The following PCDH11Y variants were observed in gnomAD, a reference collection of about 807,000 sequenced individuals.
The protein encoded by PCDH11Y is protocadherin-11 Y-linked.
For missense variants in PCDH11Y, 12 were observed against 224.8 expected, an observed-to-expected ratio of 0.05 and a Z score of 6.05; for synonymous variants, 9 against 83.6, an observed-to-expected ratio of 0.11 and a Z score of 4.87.
intron 2 of PCDH11Y, among the ~76,000 whole-genome samples, chrY:5,435,509 G>A (rs2053274058): frequency 6.7e-5 from 2 of 29,884 alleles, no homozygotes; most frequent in Non-Finnish European, 1.6e-4. Context: ...GTAGAGACGG[G>A]GTTTCACCAT....
chrY:5,704,081 T>C, intron 4 of PCDH11Y, among the ~76,000 whole-genome samples: 2 of 32,482 alleles, frequency 6.2e-5, no homozygotes, highest in Admixed American at 5.6e-4. Flanking sequence ...CTGTACAGGA[T>C]GCAGGATGCT....
chrY:5,514,096 T>G, intron 3 of PCDH11Y, among the ~76,000 whole-genome samples: 2 of 29,474 alleles, frequency 6.8e-5, no homozygotes, highest in African/African-American at 2.7e-4. Context: ...CTTTGTGCCT[T>G]GAGTGTAATG....
chrY:5,538,620 G>C, intron 3 of PCDH11Y, among the ~76,000 whole-genome samples: 2 of 32,514 alleles, frequency 6.2e-5, no homozygotes, highest in African/African-American at 2.4e-4. Flanking sequence ...AAGGTTGCAG[G>C]GGAAGATTGG....
intron 3 of PCDH11Y, among the ~76,000 whole-genome samples, chrY:5,557,806 A>T (rs2053424420): frequency 6.5e-5 from 2 of 30,914 alleles, no homozygotes; most frequent in Non-Finnish European, 1.6e-4. Context: ...TGTTGGCTGC[A>T]TGTTTGTCAT....
intron 2 of PCDH11Y, among the ~76,000 whole-genome samples, chrY:5,146,032 A>G (rs1602876095): frequency 3.0e-5 from 1 of 33,290 alleles, no homozygotes; most frequent in Admixed American, 2.7e-4. Context: ...GTGAAGCTTC[A>G]TCTGTATTTA....
chrY:5,445,802 A>AAT (rs2053287345), intron 2 of PCDH11Y, among the ~76,000 whole-genome samples: 1 of 33,182 alleles, frequency 3.0e-5, no homozygotes, highest in African/African-American at 1.2e-4. Context: ...AGCAAAAATC[A>AAT]ATATATACCA....
At chrY:5,049,355 T>C in intron 3 of PCDH11Y, among the ~76,000 whole-genome samples, 1 of 29,280 alleles carries the variant, frequency 3.4e-5, no homozygotes, top group South Asian at 8.1e-4. Context: ...TTGCCTTGAC[T>C]ATTTGGGGTC....
At chrY:5,314,662 C>T in intron 2 of PCDH11Y, among the ~76,000 whole-genome samples, 6 of 30,925 alleles carry the variant, frequency 1.9e-4, no homozygotes. Context: ...ATACCTACTT[C>T]ATTTAACTTT....
intron 4 of PCDH11Y, among the ~76,000 whole-genome samples, chrY:5,736,515 C>T: frequency 3.1e-5 from 1 of 31,815 alleles, no homozygotes; most frequent in Non-Finnish European, 7.7e-5. Context: ...ATTTCTTGCT[C>T]TCAAGTAAAC....
chrY:5,113,927 G>A, intron 2 of PCDH11Y, among the ~76,000 whole-genome samples: 1 of 30,689 alleles, frequency 3.3e-5, no homozygotes, highest in African/African-American at 1.3e-4. Flanking sequence ...CCTAAAATCA[G>A]CAACACTTTC....
At chrY:5,393,983 G>A in intron 2 of PCDH11Y, among the ~76,000 whole-genome samples, 2 of 31,890 alleles carry the variant, frequency 6.3e-5, no homozygotes, top group South Asian at 7.1e-4. Context: ...TGAACTAGAA[G>A]CAAAGTCCCA....
At chrY:5,467,506 T>C in intron 2 of PCDH11Y, among the ~76,000 whole-genome samples, 1 of 32,564 alleles carries the variant, frequency 3.1e-5, no homozygotes, top group African/African-American at 1.2e-4. Context: ...TTGTTACTTG[T>C]ACAGCCTCGT....
At chrY:5,263,930 A>G (rs2053022618) in intron 2 of PCDH11Y, among the ~76,000 whole-genome samples, 1 of 33,587 alleles carries the variant, frequency 3.0e-5, no homozygotes, top group Non-Finnish European at 7.4e-5. Flanking sequence ...AATTAGAGTC[A>G]AATACCTTAA....
At chrY:5,040,049 G>C in intron 3 of PCDH11Y, among the ~76,000 whole-genome samples, 3 of 30,701 alleles carry the variant, frequency 9.8e-5, no homozygotes, top group Admixed American at 9.1e-4. Context: ...GCTGAGGCAG[G>C]AGAATCTCTT....
chrY:5,314,241 CG>C (rs2053105004), intron 2 of PCDH11Y, among the ~76,000 whole-genome samples: 6 of 30,247 alleles, frequency 2.0e-4, no homozygotes, highest in Admixed American at 1.9e-3. Flanking sequence ...CTCCTCCTCC[CG>C]GGTTCAAACG....
At chrY:5,143,426 AT>A (rs2052853215) in intron 2 of PCDH11Y, among the ~76,000 whole-genome samples, 4 of 33,527 alleles carry the variant, frequency 1.2e-4, no homozygotes, top group Non-Finnish European at 2.2e-4. Flanking sequence ...TTTCAAATAA[AT>A]AACTGATGGG....
intron 2 of PCDH11Y, among the ~76,000 whole-genome samples, chrY:5,209,552 C>A: frequency 3.1e-5 from 1 of 32,651 alleles, no homozygotes; most frequent in Non-Finnish European, 7.5e-5. Context: ...ATAACCTGCA[C>A]ACCCGCCACC....
downstream of PCDH11Y, among the ~76,000 whole-genome samples, chrY:5,109,362 G>T (rs2124638694): frequency 3.0e-5 from 1 of 33,792 alleles, no homozygotes; most frequent in South Asian, 6.3e-4. Flanking sequence ...CTAGAAAATT[G>T]TATAAAGTTT....
chrY:5,108,028 C>T (rs2052795828), downstream of PCDH11Y, among the ~76,000 whole-genome samples: 1 of 24,050 alleles, frequency 4.2e-5, no homozygotes, highest in Admixed American at 4.0e-4. Flanking sequence ...CACTGCACTC[C>T]AGCCTGGGCG....
Sources: allele counts gnomAD v4.1 joint callset (sites outside exome capture counted in the v4.1 genomes callset), GRCh38; gene constraint gnomAD v4.1.1; transcripts MANE v1.5; gene names NCBI Gene and HGNC (gene_info 2026-07-23, HGNC 2026-07-21).